The following GLTP variants were observed in gnomAD, a reference collection of about 807,000 sequenced individuals.
GLTP encodes the protein glycolipid transfer protein.
GLTP carries 22 observed loss-of-function variants against 24.0 expected under a neutral mutation model. That is an observed-to-expected ratio of 0.92 (90% CI 0.65 to 1.31). The LOEUF (loss-of-function observed/expected upper bound fraction) is 1.31, where lower values mean the gene tolerates loss of function less well. GLTP is among the 50% of genes most tolerant of loss of function. The pLI is 0.00. For synonymous variants in GLTP, 92 were observed against 115.9 expected, an observed-to-expected ratio of 0.79 and a Z score of 1.33; for missense variants, 224 against 276.6, an observed-to-expected ratio of 0.81 and a Z score of 1.35.
chr12:109,872,201 G>A (rs1373862836), intron 1 of GLTP, among the ~76,000 whole-genome samples: 1 of 152,214 alleles, frequency 6.6e-6, no homozygotes, highest in African/African-American at 2.4e-5. Flanking sequence ...CTGTGCCCTG[G>A]CAGTCATTCA....
chr12:109,853,773 T>G (rs1892758381), intron 4 of GLTP, among the ~76,000 whole-genome samples: 1 of 151,656 alleles, frequency 6.6e-6, no homozygotes, highest in Non-Finnish European at 1.5e-5. Flanking sequence ...AGACATAGTC[T>G]CACTCTGTCC....
chr12:109,856,331 T>C (rs1051263209), intron 3 of GLTP, among the ~76,000 whole-genome samples: 2 of 152,152 alleles, frequency 1.3e-5, no homozygotes, highest in East Asian at 3.9e-4. Flanking sequence ...GGCAGGGTGA[T>C]GTTTTGAGAG....
intron 1 of GLTP, among the ~76,000 whole-genome samples, chr12:109,871,250 T>C (rs552109574): frequency 2.6e-5 from 4 of 150,996 alleles, no homozygotes; most frequent in Non-Finnish European, 5.9e-5. Context: ...ACCTGGCCAA[T>C]TTTTTTTTGT....
chr12:109,863,827 A>G (rs900022823), intron 1 of GLTP, among the ~76,000 whole-genome samples: 2 of 152,188 alleles, frequency 1.3e-5, no homozygotes, highest in African/African-American at 4.8e-5. Flanking sequence ...TGAAGAAGAG[A>G]TGACGGCAGG....
intron 1 of GLTP, among the ~76,000 whole-genome samples, chr12:109,873,817 AAC>A (rs112538687): frequency 2.6e-4 from 38 of 148,970 alleles, no homozygotes; most frequent in Non-Finnish European, 2.8e-4. Flanking sequence ...TCTTAAACAA[AAC>A]ACACACACAC....
chr12:109,867,819 C>A (rs1051945497), intron 1 of GLTP, among the ~76,000 whole-genome samples: 1 of 151,434 alleles, frequency 6.6e-6, no homozygotes, highest in Non-Finnish European at 1.5e-5. Flanking sequence ...GCTCTGTCGC[C>A]CAGGCTGGAG....
intron 1 of GLTP, among the ~76,000 whole-genome samples, chr12:109,863,653 CT>C (rs1442140437): frequency 1.3e-5 from 2 of 152,236 alleles, no homozygotes; most frequent in African/African-American, 4.8e-5. Context: ...TGTGAAGGGA[CT>C]TTGGGCCTCA....
In GLTP at chr12:109,869,313, AAAAAAAAG is replaced by A. The variant is rs1375721201; in HGVS notation, c.104-10580_104-10573del. On this transcript the variant is annotated intron_variant, in intron 1 of 4. Coordinates refer to ENST00000318348, the MANE Select transcript of GLTP (RefSeq NM_016433.4). ...AGTAAGGCTCTACCTCAAAAAAAAA[AAAAAAAAG>A]AAAGAAAGAAAGAAAGAAAGAGAAA... Among the ~76,000 whole-genome samples the A allele has an allele frequency of 2.0e-5, 3 of 147,970 alleles. No homozygotes were observed. The East Asian group carries it at 6.1e-4, about 30-fold the overall frequency.
At chr12:109,867,574 T>C (rs1868568881) in intron 1 of GLTP, among the ~76,000 whole-genome samples, 1 of 152,208 alleles carries the variant, frequency 6.6e-6, no homozygotes, top group Non-Finnish European at 1.5e-5. Flanking sequence ...ACAAGGGCTA[T>C]CTGGGGCCTC....
At chr12:109,856,810 C>A (rs538985225) in intron 3 of GLTP, among the ~76,000 whole-genome samples, 1 of 152,192 alleles carries the variant, frequency 6.6e-6, no homozygotes, top group Non-Finnish European at 1.5e-5. Context: ...CTGCCTCACA[C>A]GGATCACTTG....
chr12:109,873,633 C>CA (rs774803716), intron 1 of GLTP, among the ~76,000 whole-genome samples: 3,809 of 52,388 alleles, frequency 0.073, 200 homozygotes, highest in African/African-American at 0.14. Context: ...GACTCTGTCT[C>CA]AAAAAAAAAA....
rs1342039981 is a variant in GLTP at position 109,880,477 on chromosome 12, C to T, written c.-103G>A. 3.3e-6 allele frequency: 1 copy of T among 306,490 alleles called. No individual in the cohort carries two copies. The highest frequency in any genetic ancestry group is 5.4e-6 in the Non-Finnish European group (1 of 184,074). The allele number at this position is 306,490 out of a possible 1,614,324, so 19.0% of individuals were successfully genotyped here. ...CGCCGGGGCCGTCACAGCCGCCCGC[C>T]GCAGGCTCCGGGGACGCCAGCGTCG... On this transcript the variant is annotated 5_prime_UTR_variant, in exon 1 of 5. Coordinates refer to ENST00000318348, the MANE Select transcript of GLTP (RefSeq NM_016433.4). This position sits in a 1 kb window ranked among gnomAD's most constrained non-coding sequence, Gnocchi z 5.1.
intron 1 of GLTP, among the ~76,000 whole-genome samples, chr12:109,872,538 C>T (rs1346289153): frequency 6.6e-6 from 1 of 152,168 alleles, no homozygotes; most frequent in Non-Finnish European, 1.5e-5. Flanking sequence ...CAGAAAAACA[C>T]AATAGGGCCC....
chr12:109,869,318 AAAG>A (rs1296959266), intron 1 of GLTP, among the ~76,000 whole-genome samples: 8 of 132,836 alleles, frequency 6.0e-5, no homozygotes, highest in African/African-American at 2.0e-4. Context: ...AAAAAAAAAA[AAAG>A]AAAGAAAGAA....
intron 1 of GLTP, among the ~76,000 whole-genome samples, chr12:109,869,555 A>C (rs1308886427): frequency 1.4e-5 from 2 of 140,688 alleles, no homozygotes; most frequent in Non-Finnish European, 3.1e-5. Flanking sequence ...TTCCAGGTTC[A>C]AGCGATTCCC....
intron 1 of GLTP, among the ~76,000 whole-genome samples, chr12:109,869,957 A>C (rs1022304318): frequency 3.3e-5 from 5 of 151,190 alleles, no homozygotes; most frequent in African/African-American, 1.2e-4. Flanking sequence ...AGGTTTCACC[A>C]TATCTCGAAC....
Position 109,855,888 on chromosome 12 carries a change from G to C in GLTP, c.297-119C>G. 6.9e-6 allele frequency: 5 copies of C among 721,090 alleles called. No individual in the cohort carries two copies. Among genetic ancestry groups the C allele is most frequent in the Non-Finnish European group, 1.1e-5 (5 of 455,858 alleles). The allele number at this position is 721,090 out of a possible 1,614,324, so 44.7% of individuals were successfully genotyped here. ...CAGGAACATGGGCGCCCCAGAGGGA[G>C]TGGTTATTCCCTAATCATCTTTCCC... On this transcript the variant is annotated intron_variant, in intron 3 of 4. Coordinates refer to ENST00000318348, the MANE Select transcript of GLTP (RefSeq NM_016433.4). The surrounding 1 kb of genome is among the most constrained non-coding windows in gnomAD (Gnocchi z 4.1).
intron 1 of GLTP, among the ~76,000 whole-genome samples, chr12:109,865,474 A>G (rs1459853638): frequency 3.3e-5 from 5 of 152,152 alleles, no homozygotes; most frequent in African/African-American, 1.2e-4. Context: ...CTAAAAATAC[A>G]AAAATTAGCT....
chr12:109,852,165 T>C lies in GLTP; in HGVS notation c.*390A>G, dbSNP rs1183114664. On this transcript the variant is annotated 3_prime_UTR_variant, in exon 5 of 5. Coordinates refer to ENST00000318348, the MANE Select transcript of GLTP (RefSeq NM_016433.4). ...TGCCCAGCCATCATGTGCTTATTTT[T>C]AAAGCGAGGTGGATGACACCATTCC... The C allele has an allele frequency of 1.3e-5, 2 of 157,230 alleles. No individual in the cohort carries two copies. The highest frequency in any genetic ancestry group is 2.8e-5 in the Non-Finnish European group (2 of 71,518). 9.7% of individuals were successfully genotyped at this position (157,230 alleles called of 1,614,324 possible). A position where few individuals can be genotyped will look rare whatever the true frequency, so the allele number is the denominator to read the frequency against.
Sources: gnomAD v4.1 joint callset for allele counts (sites outside exome capture counted in the v4.1 genomes callset) on GRCh38, gnomAD v4.1.1 for gene constraint, Gnocchi (gnomAD v3.1) non-coding constraint, MANE v1.5 for transcripts, NCBI Gene and HGNC (gene_info 2026-07-23, HGNC 2026-07-21) for gene names.